The following FAF1 variants were observed in gnomAD, a reference collection of about 807,000 sequenced individuals.
The protein encoded by FAF1 is Fas associated factor 1.
Under a neutral mutation model 92.5 loss-of-function variants are expected in FAF1, and 25 were observed. That is an observed-to-expected ratio of 0.27 (90% CI 0.20 to 0.38). The LOEUF (loss-of-function observed/expected upper bound fraction) is 0.38. Among genes scored for constraint, FAF1 ranks in the 10% least tolerant of loss-of-function variants. The probability of loss-of-function intolerance (pLI) is 1.00; values close to 1 mark genes in which losing one functional copy is unlikely to be tolerated. For synonymous variants in FAF1, 234 were observed against 273.2 expected (o/e 0.86, Z 1.42); for missense variants, 636 against 793.3 (o/e 0.80, Z 2.38).
At chr1:50,520,872 T>C (rs1647464476) in intron 15 of FAF1, among the ~76,000 whole-genome samples, 1 of 152,128 alleles carries the variant, frequency 6.6e-6, no homozygotes, top group South Asian at 2.1e-4. Flanking sequence ...TAGCTCTTTA[T>C]TAAAGTCCTT....
intron 8 of FAF1, among the ~76,000 whole-genome samples, chr1:50,626,863 G>A (rs971826044): frequency 3.3e-5 from 5 of 152,118 alleles, no homozygotes; most frequent in Admixed American, 6.5e-5. Context: ...AAATAGAAGT[G>A]AATGAATGGG....
intron 7 of FAF1, among the ~76,000 whole-genome samples, chr1:50,670,127 GAAAAAAAAAAA>G (rs1008153553): frequency 1.3e-5 from 1 of 74,746 alleles, no homozygotes; most frequent in South Asian, 4.9e-4. Flanking sequence ...GTCTCAAAAA[GAAAAAAAAAAA>G]AAAAAAAAAT....
chr1:50,780,786 A>C (rs1327958490), intron 4 of FAF1: 2 of 359,116 alleles, frequency 5.6e-6, no homozygotes, highest in Non-Finnish European at 1.1e-5. Flanking sequence ...CACACAGGTG[A>C]GTGATGGACT....
At chr1:50,611,319 T>G (rs1652674037) in intron 8 of FAF1, among the ~76,000 whole-genome samples, 1 of 152,192 alleles carries the variant, frequency 6.6e-6, no homozygotes, top group Non-Finnish European at 1.5e-5. Context: ...AAATTATCAT[T>G]AGACAAGGTA....
chr1:50,499,350 T>C (rs1646949975), intron 15 of FAF1, among the ~76,000 whole-genome samples: 1 of 150,906 alleles, frequency 6.6e-6, no homozygotes, highest in African/African-American at 2.4e-5. Flanking sequence ...GTAGGTAAGA[T>C]GTTAGCTGTA....
chr1:50,557,138 G>T (rs1649626727), intron 13 of FAF1, among the ~76,000 whole-genome samples: 1 of 152,108 alleles, frequency 6.6e-6, no homozygotes, highest in African/African-American at 2.4e-5. Context: ...ACATAACCTT[G>T]CCTCATTCCT....
intron 13 of FAF1, among the ~76,000 whole-genome samples, chr1:50,547,120 T>C (rs1253229422): frequency 6.6e-6 from 1 of 151,872 alleles, no homozygotes; most frequent in African/African-American, 2.4e-5. Flanking sequence ...CTTGAACTCA[T>C]GGGCTCAAGC....
intron 3 of FAF1, among the ~76,000 whole-genome samples, chr1:50,792,431 C>T (rs1661596368): frequency 6.6e-6 from 1 of 152,132 alleles, no homozygotes; most frequent in Non-Finnish European, 1.5e-5. Flanking sequence ...TGAACAGCTC[C>T]TTCTCCCATG....
intron 4 of FAF1, among the ~76,000 whole-genome samples, chr1:50,760,547 T>C (rs1308644598): frequency 1.3e-5 from 2 of 152,048 alleles, no homozygotes; most frequent in Non-Finnish European, 2.9e-5. Flanking sequence ...TTAAAACTGC[T>C]CAACTACATG....
At chr1:50,612,882 A>T (rs1016945117) in intron 8 of FAF1, among the ~76,000 whole-genome samples, 17 of 152,184 alleles carry the variant, frequency 1.1e-4, no homozygotes, top group African/African-American at 4.1e-4. Flanking sequence ...TAAAACCGTT[A>T]TTGTGAAGCT....
At chr1:50,514,653 G>C (rs1014302412) in intron 15 of FAF1, among the ~76,000 whole-genome samples, 1 of 152,196 alleles carries the variant, frequency 6.6e-6, no homozygotes, top group Non-Finnish European at 1.5e-5. Context: ...TTGCTAGAAT[G>C]TAAGTCTCTG....
intron 9 of FAF1, among the ~76,000 whole-genome samples, chr1:50,595,163 T>A (rs1306280079): frequency 6.6e-6 from 1 of 152,000 alleles, no homozygotes; most frequent in Admixed American, 6.5e-5. Flanking sequence ...CAAGTGATTC[T>A]CCTGCCTTAG....
chr1:50,589,866 G>GT lies in FAF1; in HGVS notation c.841-5056dup, dbSNP rs1224926252. Among the ~76,000 whole-genome samples the GT allele has an allele frequency of 2.0e-5, 3 of 152,254 alleles. No individual in the cohort carries two copies. The East Asian group carries it at 5.8e-4, about 29-fold the overall frequency. ...AGTTTAGTTTTGCATATGATATTAG[G>GT]TAAGGGTCCAACTTCATTCTTTCGC... is the stretch of plus-strand genomic sequence containing the variant. On this transcript the variant is annotated intron_variant, in intron 9 of 18. Coordinates refer to ENST00000396153, the MANE Select transcript of FAF1 (RefSeq NM_007051.3).
chr1:50,546,586 G>C (rs59412984), intron 13 of FAF1, among the ~76,000 whole-genome samples: 2 of 151,876 alleles, frequency 1.3e-5, no homozygotes, highest in Non-Finnish European at 2.9e-5. Flanking sequence ...GGTTGGTCTC[G>C]AACTCCTGGC....
intron 4 of FAF1, among the ~76,000 whole-genome samples, chr1:50,764,324 T>C (rs961080520): frequency 6.6e-6 from 1 of 152,168 alleles, no homozygotes; most frequent in African/African-American, 2.4e-5. Flanking sequence ...TATTCTAGTC[T>C]TACGTATAAG....
intron 8 of FAF1, among the ~76,000 whole-genome samples, chr1:50,630,537 CT>C (rs967087620): frequency 5.3e-5 from 8 of 152,146 alleles, no homozygotes; most frequent in Admixed American, 2.0e-4. Context: ...CCCTTTCCCC[CT>C]ATTCTATAGG....
At chr1:50,525,939 C>T (rs1647771346) in intron 15 of FAF1, among the ~76,000 whole-genome samples, 1 of 152,064 alleles carries the variant, frequency 6.6e-6, no homozygotes, top group African/African-American at 2.4e-5. Flanking sequence ...ACATTAATTC[C>T]TTTAATACTG....
intron 8 of FAF1, among the ~76,000 whole-genome samples, chr1:50,607,992 T>C (rs559666776): frequency 3.3e-5 from 5 of 152,336 alleles, no homozygotes; most frequent in East Asian, 1.9e-4. Flanking sequence ...GCAACTTTTA[T>C]TGAAGTGGCA....
At chr1:50,524,834 G>A (rs1647707647) in intron 15 of FAF1, among the ~76,000 whole-genome samples, 1 of 151,796 alleles carries the variant, frequency 6.6e-6, no homozygotes, top group African/African-American at 2.4e-5. Context: ...CTCCATCTTT[G>A]TTATTTTTGC....
Sources: allele counts gnomAD v4.1 joint callset (sites outside exome capture counted in the v4.1 genomes callset), GRCh38; gene constraint gnomAD v4.1.1; transcripts MANE v1.5; gene names NCBI Gene and HGNC (gene_info 2026-07-23, HGNC 2026-07-21).